NEBL: variants seen among roughly 807,000 people sequenced by gnomAD.
The protein encoded by NEBL is LIM and SH3 protein 2.
NEBL carries 122 observed loss-of-function variants against 140.2 expected under a neutral mutation model. That is an observed-to-expected ratio of 0.87 (90% CI 0.75 to 1.01). NEBL has a LOEUF of 1.01. Ranked by LOEUF, NEBL falls within the 50% of genes least tolerant of loss-of-function variation. The pLI is 0.00. For missense variants in NEBL, 1,365 were observed against 1,231.3 expected (o/e 1.11, Z -1.62); for synonymous variants, 436 against 398.9 (o/e 1.09, Z -1.11).
chr10:20,982,473 C>G (rs1041266850), intron 3 of NEBL, among the ~76,000 whole-genome samples: 22 of 152,150 alleles, frequency 1.4e-4, no homozygotes, highest in Admixed American at 5.2e-4. Context: ...TATAATATCA[C>G]TAAAATGGTA....
chr10:20,951,683 C>T (rs900259843), intron 4 of NEBL, among the ~76,000 whole-genome samples: 1 of 152,114 alleles, frequency 6.6e-6, no homozygotes, highest in African/African-American at 2.4e-5. Context: ...GCCTCTAAAA[C>T]TTCATTGACA....
intron 3 of NEBL, among the ~76,000 whole-genome samples, chr10:21,225,509 G>A (rs1418399345): frequency 6.6e-6 from 1 of 152,154 alleles, no homozygotes; most frequent in Non-Finnish European, 1.5e-5. Context: ...GTCCAGAGAT[G>A]CCATCTGGGA....
intron 3 of NEBL, among the ~76,000 whole-genome samples, chr10:21,240,907 T>TACACACATACACAC: frequency 7.3e-6 from 1 of 137,278 alleles, no homozygotes; most frequent in Non-Finnish European, 1.6e-5. Flanking sequence ...CACGCACACA[T>TACACACATACACAC]ACACACACAC....
intron 2 of NEBL, among the ~76,000 whole-genome samples, chr10:21,124,157 C>T (rs1838708610): frequency 6.6e-6 from 1 of 152,092 alleles, no homozygotes; most frequent in African/African-American, 2.4e-5. Context: ...ATTCATTGTA[C>T]TCATAACCCA....
intron 2 of NEBL, among the ~76,000 whole-genome samples, chr10:21,022,047 T>A (rs184268040): frequency 2.0e-4 from 30 of 152,272 alleles, no homozygotes; most frequent in African/African-American, 7.2e-4. Flanking sequence ...GAGATGGCAT[T>A]TCCTCCCTGT....
chr10:20,879,591 C>T (rs1845829790), intron 5 of NEBL, among the ~76,000 whole-genome samples: 2 of 152,180 alleles, frequency 1.3e-5, no homozygotes, highest in African/African-American at 4.8e-5. Flanking sequence ...GCGGAAAACA[C>T]TCTGCACAGT....
intron 4 of NEBL, among the ~76,000 whole-genome samples, chr10:20,887,791 AAC>A (rs1291920560): frequency 2.0e-5 from 3 of 152,184 alleles, no homozygotes; most frequent in Admixed American, 6.5e-5. Context: ...CAAATTAGAG[AAC>A]AGTTTAATAT....
intron 4 of NEBL, among the ~76,000 whole-genome samples, chr10:20,907,890 G>A (rs1042421829): frequency 6.6e-6 from 1 of 152,080 alleles, no homozygotes; most frequent in African/African-American, 2.4e-5. Flanking sequence ...GAAGTGCTTC[G>A]AATCTAAAAA....
chr10:20,947,546 G>A (rs541451637), intron 4 of NEBL, among the ~76,000 whole-genome samples: 3 of 152,084 alleles, frequency 2.0e-5, no homozygotes, highest in African/African-American at 7.2e-5. Context: ...AGATATAATT[G>A]TAACAGTCAC....
intron 20 of NEBL, among the ~76,000 whole-genome samples, chr10:20,818,443 C>T (rs184057135): frequency 4.0e-4 from 61 of 152,266 alleles, no homozygotes; most frequent in Middle Eastern, 3.4e-3. Context: ...CACAGAGTAG[C>T]GCTGCCTTGT....
At chr10:21,203,425 G>T (rs1341603151) in intron 3 of NEBL, among the ~76,000 whole-genome samples, 1 of 152,176 alleles carries the variant, frequency 6.6e-6, no homozygotes, top group South Asian at 2.1e-4. Flanking sequence ...CCAACTTATG[G>T]ACTGAAATCC....
At chr10:20,867,142 G>T (rs952845312) in intron 7 of NEBL, among the ~76,000 whole-genome samples, 2 of 151,796 alleles carry the variant, frequency 1.3e-5, no homozygotes, top group African/African-American at 2.4e-5. Flanking sequence ...TATAAACTCT[G>T]AATTATTTAA....
intron 3 of NEBL, among the ~76,000 whole-genome samples, chr10:21,228,774 T>C (rs886891447): frequency 6.6e-6 from 1 of 152,252 alleles, no homozygotes; most frequent in Admixed American, 6.5e-5. Context: ...AATGTAATTG[T>C]ACCTTATGAA....
chr10:21,088,906 T>G lies in NEBL; in HGVS notation c.165-68705A>C, dbSNP rs145172559. Among the ~76,000 whole-genome samples, 31 of 152,306 alleles carry G rather than the reference T, an allele frequency of 2.0e-4. No homozygotes were observed. In the East Asian group the frequency reaches 5.8e-3, roughly 28 times the overall value. ...TGGAGACTTTCTGGAAGAACTGCCC[T>G]CTGCCGTGAGGATGGGCAGTTAATG... On this transcript the variant is annotated intron_variant, in intron 2 of 6. Coordinates refer to the NEBL transcript ENST00000417816.
At chr10:21,112,973 T>C (rs1468477267) in intron 2 of NEBL, 5 of 322,006 alleles carry the variant, frequency 1.6e-5, no homozygotes, top group Non-Finnish European at 2.3e-5. Context: ...CCCCTGGAAG[T>C]GGTAACAAGT....
upstream of NEBL, chr10:21,174,505 TGACTGA>T (rs1167239517): frequency 6.6e-6 from 1 of 152,546 alleles, no homozygotes; most frequent in Non-Finnish European, 1.5e-5. Context: ...CATCCCAGGC[TGACTGA>T]CGTCCCTGGC....
At chr10:21,169,176 G>A (rs564630398) in intron 2 of NEBL, among the ~76,000 whole-genome samples, 72 of 140,898 alleles carry the variant, frequency 5.1e-4, no homozygotes, top group South Asian at 2.8e-3. Context: ...GCTGAATGTC[G>A]GTGGAGGGGA....
intron 3 of NEBL, among the ~76,000 whole-genome samples, chr10:21,210,042 T>C (rs1841892048): frequency 6.6e-6 from 1 of 152,172 alleles, no homozygotes. Context: ...TCCACGAGCC[T>C]CAAAATGTCC....
At chr10:21,081,375 G>A (rs547040480) in intron 2 of NEBL, among the ~76,000 whole-genome samples, 62 of 152,278 alleles carry the variant, frequency 4.1e-4, no homozygotes, top group African/African-American at 1.4e-3. Flanking sequence ...TGTGAGGCTT[G>A]TTATGCACAG....
Sources: gnomAD v4.1 joint callset for allele counts (sites outside exome capture counted in the v4.1 genomes callset) on GRCh38, gnomAD v4.1.1 for gene constraint, MANE v1.5 for transcripts, NCBI Gene and HGNC (gene_info 2026-07-23, HGNC 2026-07-21) for gene names.